SLMAP: variants seen among roughly 807,000 people sequenced by gnomAD.
SLMAP encodes the protein sarcolemma associated protein, also known as sarcolemmal membrane-associated protein.
In SLMAP, 44 loss-of-function variants were observed where a neutral mutation model predicts 128.8. The ratio of observed to expected loss-of-function variants is 0.34; its 90% CI spans 0.27 to 0.44. The LOEUF (loss-of-function observed/expected upper bound fraction) is 0.44, where lower values mean the gene tolerates loss of function less well. Among genes scored for constraint, SLMAP ranks in the 20% least tolerant of loss-of-function variants. SLMAP has a pLI of 1.00. For synonymous variants in SLMAP, 327 were observed against 348.8 expected (o/e 0.94, Z 0.70); for missense variants, 787 against 985.3 (o/e 0.80, Z 2.69).
At chr3:57,798,373 A>G (rs1279699942) in intron 2 of SLMAP, among the ~76,000 whole-genome samples, 1 of 152,066 alleles carries the variant, frequency 6.6e-6, no homozygotes, top group Admixed American at 6.6e-5. Flanking sequence ...GGTATTTTGT[A>G]GTCCTTTTTA....
At chr3:57,813,979 A>C (rs966679612) in intron 2 of SLMAP, among the ~76,000 whole-genome samples, 8 of 151,776 alleles carry the variant, frequency 5.3e-5, no homozygotes, top group Admixed American at 3.3e-4. Flanking sequence ...TTTTAATGGA[A>C]ATTTCAAATA....
rs1553775402 is a variant in SLMAP, at chr3:57,776,522, C to CTTT, written c.198+18692_198+18694dup. 1.4e-3 allele frequency among the ~76,000 whole-genome samples: 132 copies of CTTT among 92,566 alleles called. 1 individual carries two copies. Among genetic ancestry groups the CTTT allele is most frequent in the Non-Finnish European group, 1.9e-3 (90 of 48,122 alleles). The allele number at this position is 92,566 out of a possible 152,430, so 60.7% of individuals were successfully genotyped here. A position where few individuals can be genotyped will look rare whatever the true frequency, so the allele number is the denominator to read the frequency against. The stretch of plus-strand genomic sequence containing the variant: ...ATTTGTCCCTTCTCTCTCTCTCTCT[C>CTTT]TTTTTTTTTTTTTTTTTTTTTGAGA... On this transcript the variant is annotated intron_variant, in intron 2 of 24. Coordinates refer to ENST00000671191, the MANE Select transcript of SLMAP (RefSeq NM_001377540.1).
intron 17 of SLMAP, among the ~76,000 whole-genome samples, chr3:57,905,968 C>G: frequency 6.8e-6 from 1 of 147,448 alleles, no homozygotes; most frequent in Non-Finnish European, 1.5e-5. Flanking sequence ...AATACCTACT[C>G]AAGGAATTAA....
At chr3:57,848,579 C>G (rs1200622936) in intron 5 of SLMAP, among the ~76,000 whole-genome samples, 1 of 129,990 alleles carries the variant, frequency 7.7e-6, no homozygotes, top group African/African-American at 2.7e-5. Context: ...CTTCCTCTTC[C>G]TGCTCCCTCC....
Position 57,862,009 on chromosome 3 carries a change from C to A in SLMAP, c.889C>A (p.Gln297Lys). ...TCTGAAAGAAATGAATGAAAGGACT[C>A]AGGAAGAATTAAGAGAATTAGCCAA... ...THLKEMNERT[Q>K]EELRELANKY... The change falls in exon 10 of 25, where the codon CAG becomes AAG. Residue 297 changes from glutamine (Q) to lysine (K), a missense_variant. Gln to Lys is a moderately conservative substitution (Grantham distance 53). Coordinates refer to ENST00000671191, the MANE Select transcript of SLMAP (RefSeq NM_001377540.1). The A allele has an allele frequency of 6.2e-7, 1 of 1,606,802 alleles. No individual in the cohort carries two copies. Among genetic ancestry groups the A allele is most frequent in the South Asian group, 1.1e-5 (1 of 90,918 alleles).
intron 2 of SLMAP, among the ~76,000 whole-genome samples, chr3:57,805,756 G>A (rs1423594109): frequency 6.6e-6 from 1 of 152,128 alleles, no homozygotes; most frequent in African/African-American, 2.4e-5. Context: ...CTTGGTGACT[G>A]CTTACCTCTC....
intron 2 of SLMAP, among the ~76,000 whole-genome samples, chr3:57,806,873 G>A (rs1485748276): frequency 1.3e-5 from 2 of 152,188 alleles, no homozygotes; most frequent in African/African-American, 4.8e-5. Context: ...TCCTTTGGGT[G>A]TATACCCAGT....
intron 6 of SLMAP, among the ~76,000 whole-genome samples, chr3:57,853,955 TTATATA>T (rs1157170350): frequency 0.014 from 448 of 31,906 alleles, 7 homozygotes; most frequent in Middle Eastern, 0.028. Context: ...AAAAAAAAAA[TTATATA>T]TATATATATA....
intron 2 of SLMAP, among the ~76,000 whole-genome samples, chr3:57,764,892 T>C (rs919284221): frequency 6.6e-6 from 1 of 152,230 alleles, no homozygotes; most frequent in Non-Finnish European, 1.5e-5. Context: ...TGAAAATGAT[T>C]AAATGCCAGA....
At chr3:57,813,080 C>T (rs2091275170) in intron 2 of SLMAP, among the ~76,000 whole-genome samples, 1 of 146,392 alleles carries the variant, frequency 6.8e-6, no homozygotes, top group Non-Finnish European at 1.5e-5. Flanking sequence ...TTATTTTGTC[C>T]TTTCCGTTTG....
At chr3:57,914,567 A>G (rs901646863) in intron 21 of SLMAP, among the ~76,000 whole-genome samples, 1 of 152,006 alleles carries the variant, frequency 6.6e-6, no homozygotes, top group Non-Finnish European at 1.5e-5. Flanking sequence ...TACATATCTC[A>G]TATATAGCTA....
chr3:57,760,990 G>A (rs2078515642), intron 2 of SLMAP, among the ~76,000 whole-genome samples: 1 of 150,902 alleles, frequency 6.6e-6, no homozygotes, highest in Admixed American at 6.6e-5. Context: ...GCCTCCCAAA[G>A]TGCTGGGATT....
intron 13 of SLMAP, among the ~76,000 whole-genome samples, chr3:57,869,630 T>TTATATCTATATATATA (rs1553900185): frequency 1.3e-5 from 1 of 75,474 alleles, no homozygotes; most frequent in African/African-American, 5.0e-5. Flanking sequence ...CCCATCTCTA[T>TTATATCTATATATATA]TATATATATA....
intron 2 of SLMAP, among the ~76,000 whole-genome samples, chr3:57,783,643 G>A (rs1428214714): frequency 6.6e-6 from 1 of 152,208 alleles, no homozygotes; most frequent in African/African-American, 2.4e-5. Context: ...GAAAAGGCAT[G>A]TTTAAGAGAG....
intron 2 of SLMAP, among the ~76,000 whole-genome samples, chr3:57,786,751 T>C (rs1362428263): frequency 7.7e-6 from 1 of 129,284 alleles, no homozygotes; most frequent in Non-Finnish European, 1.7e-5. Flanking sequence ...TTTTTTTTTT[T>C]GAGTTGGAGT....
At chr3:57,888,418 A>C (rs758793561) in intron 14 of SLMAP, among the ~76,000 whole-genome samples, 5 of 152,112 alleles carry the variant, frequency 3.3e-5, no homozygotes, top group Admixed American at 6.6e-5. Flanking sequence ...AGAGATCAAG[A>C]TCATCCTGGC....
intron 15 of SLMAP, among the ~76,000 whole-genome samples, chr3:57,895,795 A>G (rs980516487): frequency 6.6e-6 from 1 of 151,928 alleles, no homozygotes; most frequent in East Asian, 1.9e-4. Flanking sequence ...TTTAAAAAAG[A>G]TATCTGGGTA....
Position 57,864,805 on chromosome 3 carries a change from A to G in SLMAP, c.1136-2A>G, listed in dbSNP as rs765228190. 1.9e-6 allele frequency: 3 copies of G among 1,582,934 alleles called. No homozygotes were observed. Among genetic ancestry groups the G allele is most frequent in the Non-Finnish European group, 2.6e-6 (3 of 1,168,934 alleles). ...TTTTTTTTTTTGGACTTTTATTTAC[A>G]GTACGGTTAGAACATCTTCAGGAGA... On this transcript the variant is annotated splice_acceptor_variant, in intron 11 of 24. Transcript: ENST00000671191. LOFTEE classifies it high-confidence loss of function.
At chr3:57,814,427 C>T (rs2091553322) in intron 2 of SLMAP, among the ~76,000 whole-genome samples, 1 of 152,106 alleles carries the variant, frequency 6.6e-6, no homozygotes, top group Non-Finnish European at 1.5e-5. Flanking sequence ...AGGTGTGAGC[C>T]ACCGTGCCCA....
Sources: allele counts gnomAD v4.1 joint callset (sites outside exome capture counted in the v4.1 genomes callset), GRCh38; gene constraint gnomAD v4.1.1; transcripts MANE v1.5; gene names NCBI Gene and HGNC (gene_info 2026-07-23, HGNC 2026-07-21).